OBP2A: variants seen among roughly 807,000 people sequenced by gnomAD.
OBP2A encodes the protein odorant binding protein 2A.
Under a neutral mutation model 21.9 loss-of-function variants are expected in OBP2A, and 15 were observed. The ratio of observed to expected loss-of-function variants is 0.69; its 90% CI spans 0.46 to 1.06. The LOEUF is 1.06. OBP2A is among the 50% of genes least tolerant of loss of function. The pLI is 0.00. For missense variants in OBP2A, 192 were observed against 220.1 expected, an observed-to-expected ratio of 0.87 and a Z score of 0.81; for synonymous variants, 86 against 91.8, an observed-to-expected ratio of 0.94 and a Z score of 0.36.
In OBP2A at chr9:135,547,949, G is replaced by C; in HGVS notation, c.356G>C (p.Arg119Pro). The change falls in exon 4 of 7, where the codon CGT becomes CCT. Residue 119 changes from arginine to proline, a missense_variant. Arg to Pro is a moderately radical substitution (Grantham distance 103). Transcript: ENST00000371776. ...DYVFYCKDQR[R>P]GGLRYMGKLV... The stretch of plus-strand genomic sequence containing the variant: ...GTCTTTTACTGCAAAGACCAGCGCC[G>C]TGGGGGCCTGCGCTACATGGGAAAG... 1 of 1,612,754 alleles carries C rather than the reference G, an allele frequency of 6.2e-7. No homozygotes were observed. Among genetic ancestry groups the C allele is most frequent in the Non-Finnish European group, 8.5e-7 (1 of 1,179,224 alleles).
intron 6 of OBP2A, 118 bp from the exon 7 acceptor site, chr9:135,549,719 C>T: frequency 1.5e-6 from 1 of 670,454 alleles, no homozygotes; most frequent in Non-Finnish European, 2.5e-6. Flanking sequence ...GCTCTGGAGC[C>T]CCGAGGCTGC....
rs1417498781 is a variant in OBP2A at position 135,547,936 on chromosome 9, A to G, written c.343A>G (p.Lys115Glu). The change falls in exon 4 of 7, where the codon AAA becomes GAA. Residue 115 changes from lysine (K) to glutamate (E), a missense_variant. Transcript: ENST00000371776. Reference sequence around the variant, plus strand: ...GACGGACGACTACGTCTTTTACTGCAAAGACCAGCGCCGTGGGGGCCTGCG... The same window carrying G: ...GACGGACGACTACGTCTTTTACTGCGAAGACCAGCGCCGTGGGGGCCTGCG... ...PGTDDYVFYCKDQRRGGLRYM... is the reference protein window; with the variant it reads ...PGTDDYVFYCEDQRRGGLRYM... 2 of 1,613,490 alleles carry G rather than the reference A, an allele frequency of 1.2e-6. No individual in the cohort carries two copies. Among genetic ancestry groups the G allele is most frequent in the South Asian group, 2.2e-5 (2 of 91,018 alleles).
At chr9:135,546,664 TA>T (rs1168908366) in intron 1 of OBP2A, 113 bp from the exon 2 acceptor site, 3 of 1,511,312 alleles carry the variant, frequency 2.0e-6, no homozygotes, top group African/African-American at 2.8e-5. Flanking sequence ...AGCCTGCCTT[TA>T]GGGGTGGCAG....
Position 135,548,885 on chromosome 9 carries a change from T to A in OBP2A, c.490+76T>A, listed in dbSNP as rs527327865. ...TCTCCAGTGTCCCATGACCCCCATG[T>A]CCTCCCATGTCCCCCGCATTCCCCG... On this transcript the variant is annotated intron_variant, in intron 5 of 6. Coordinates refer to ENST00000371776, the MANE Select transcript of OBP2A (RefSeq NM_014582.3). The A allele has an allele frequency of 4.0e-5, 58 of 1,438,852 alleles. No homozygotes were observed. The South Asian group carries it at 6.2e-4, about 15-fold the overall frequency. 89.1% of individuals were successfully genotyped at this position (1,438,852 alleles called of 1,614,324 possible).
At chr9:135,547,012 A>G (rs1470896861) in intron 2 of OBP2A, 101 bp downstream of exon 2, 1 of 1,582,862 alleles carries the variant, frequency 6.3e-7, no homozygotes, top group Non-Finnish European at 8.6e-7. Flanking sequence ...TGTTGGGAAG[A>G]GTCACCCCCT....
chr9:135,548,255 G>A (rs553581624), intron 4 of OBP2A, among the ~76,000 whole-genome samples: 3 of 152,264 alleles, frequency 2.0e-5, no homozygotes, highest in South Asian at 4.1e-4. Flanking sequence ...CACCTTAAGG[G>A]GGAGGTAGCA....
intron 3 of OBP2A, 130 bp downstream of exon 3, chr9:135,547,378 C>G: frequency 9.5e-7 from 1 of 1,049,140 alleles, no homozygotes; most frequent in Non-Finnish European, 1.4e-6. Context: ...GAGGGGCTGG[C>G]CTCTCCTTCC....
chr9:135,549,278 T>A (rs1394435764), intron 5 of OBP2A, 30 bp from the exon 6 acceptor site: 2 of 1,487,590 alleles, frequency 1.3e-6, no homozygotes, highest in Admixed American at 3.5e-5. Context: ...GGGCGCCTTC[T>A]AATCCCTGGG....
At position 135,548,641 on chromosome 9, in the gene OBP2A, A is replaced by G. The variant is rs181911633; in HGVS notation, c.389-67A>G. On this transcript the variant is annotated intron_variant, in intron 4 of 6. Transcript: ENST00000371776. ...TGCTGGGCCGTGGTCGTCTCCTTTT[A>G]GCATCTGCTCCCTGCAGGGCCGTGC... 3.4e-4 allele frequency: 550 copies of G among 1,604,440 alleles called. 1 individual carries two copies. The African/African-American group carries it at 5.3e-3, about 16-fold the overall frequency.
chr9:135,546,814 G>A lies in OBP2A; in HGVS notation c.109G>A (p.Asp37Asn), dbSNP rs139109337. ...CTGGTACGTGAAGGCCATGGTGGTC[G>A]ATAAGGACTTTCCGGAGGACAGGAG... The part of the protein sequence containing the change: ...GTWYVKAMVV[D>N]KDFPEDRRPR... The change falls in exon 2 of 7, where the codon GAT becomes AAT. Residue 37 changes from aspartate to asparagine, a missense_variant. Physicochemically the swap from Asp to Asn is conservative, Grantham distance 23. Transcript: ENST00000371776. 181 of 1,613,046 alleles carry A rather than the reference G, an allele frequency of 1.1e-4. No homozygotes were observed. The highest frequency in any genetic ancestry group is 1.2e-4 in the African/African-American group (9 of 74,968).
chr9:135,548,650 T>G (rs749131224), intron 4 of OBP2A, 58 bp from the exon 5 acceptor site: 26 of 1,608,606 alleles, frequency 1.6e-5, no homozygotes, highest in Non-Finnish European at 2.2e-5. Context: ...TAGCATCTGC[T>G]CCCTGCAGGG....
rs1831979928 is a variant in OBP2A at position 135,547,715 on chromosome 9, T to C, written c.278-156T>C. ...CCGAGAGGAGGCTCCTGCCTCCGTG[T>C]CCGGGTCCATGCTGTGCGGAGCAGC... On this transcript the variant is annotated intron_variant, in intron 3 of 6. Coordinates refer to ENST00000371776, the MANE Select transcript of OBP2A (RefSeq NM_014582.3). Among the ~76,000 whole-genome samples, 3 of 152,210 alleles carry C rather than the reference T, an allele frequency of 2.0e-5. No homozygotes were observed. The South Asian group carries it at 6.2e-4, about 32-fold the overall frequency.
At position 135,549,555 on chromosome 9, in the gene OBP2A, T is replaced by G. The variant is rs1443063974; in HGVS notation, c.*1+224T>G. On this transcript the variant is annotated intron_variant, in intron 6 of 6. Transcript: ENST00000371776. ...CACCTGCCAGCCCGAGTGAGGGTCC[T>G]CCTCGGCCTTTCCACAGCGAGGCCT... 187 of 482,624 alleles carry G rather than the reference T, an allele frequency of 3.9e-4. 8 individuals carry two copies. Among genetic ancestry groups the G allele is most frequent in the Non-Finnish European group, 5.7e-4 (163 of 284,438 alleles). The allele number at this position is 482,624 out of a possible 1,614,324, so 29.9% of individuals were successfully genotyped here.
chr9:135,547,905 G>T lies in OBP2A; in HGVS notation c.312G>T (p.Leu104=). Residue 104 remains leucine, a synonymous_variant, in exon 4 of 7, where the codon CTG becomes CTT. Coordinates refer to ENST00000371776, the MANE Select transcript of OBP2A (RefSeq NM_014582.3). ...GGAAGCTCATATACCTGCAGGAGCTGCCCGGGACGGACGACTACGTCTTTT... is the reference window on the plus strand; with the variant it reads ...GGAAGCTCATATACCTGCAGGAGCTTCCCGGGACGGACGACTACGTCTTTT... ...GGRKLIYLQE[L]PGTDDYVFYC... The T allele has an allele frequency of 6.2e-7, 1 of 1,613,092 alleles. No homozygotes were observed.
Position 135,546,779 on chromosome 9 carries a change from T to G in OBP2A, c.74T>G (p.Ile25Ser), listed in dbSNP as rs775614434. 1.9e-6 allele frequency: 3 copies of G among 1,608,806 alleles called. No individual in the cohort carries two copies. Among genetic ancestry groups the G allele is most frequent in the Non-Finnish European group, 2.5e-6 (3 of 1,176,916 alleles). ...ALSFTLEEED[I>S]TGTWYVKAMV... ...GCTCACGGCCTTGGCCTGCTCCAGA[T>G]CACAGGGACCTGGTACGTGAAGGCC... Residue 25 changes from isoleucine (I) to serine (S), a missense_variant and splice_region_variant, in exon 2 of 7, where the codon ATC (isoleucine) becomes AGC (serine). Transcript: ENST00000371776.
chr9:135,548,991 TGCGGTCTGGGGCTCCGCGCTCTGGGCTGC>T (rs1832037253), intron 5 of OBP2A, among the ~76,000 whole-genome samples, 182 bp downstream of exon 5: 1 of 142,014 alleles, frequency 7.0e-6, no homozygotes, highest in African/African-American at 2.9e-5. Context: ...TGGGCTGCGA[TGCGGTCTGGGGCTCCGCGCTCTGGGCTGC>T]GATGGGGTCT....
In OBP2A at chr9:135,546,259, T is replaced by A. The variant is rs769792203; in HGVS notation, c.72+7T>A. 5 of 1,494,226 alleles carry A rather than the reference T, an allele frequency of 3.3e-6. 1 individual carries two copies. The highest frequency in any genetic ancestry group is 3.9e-4 in the Middle Eastern group (2 of 5,132). The allele number at this position is 1,494,226 out of a possible 1,614,324, so 92.6% of individuals were successfully genotyped here. On this transcript the variant is annotated splice_region_variant and intron_variant, in intron 1 of 6. Transcript: ENST00000371776. The stretch of plus-strand genomic sequence containing the variant: ...CACCCTGGAGGAGGAGGATGTGAGC[T>A]GGGTTGGCGTGGGCGGATGGAGGAG...
At chr9:135,548,571 C>T (rs1832017471) in intron 4 of OBP2A, 137 bp from the exon 5 acceptor site, 5 of 1,285,576 alleles carry the variant, frequency 3.9e-6, no homozygotes, top group Non-Finnish European at 5.3e-6. Flanking sequence ...TCCCCAGCCC[C>T]ACCCCTGAGC....
intron 4 of OBP2A, 133 bp from the exon 5 acceptor site, chr9:135,548,575 C>G (rs548152251): frequency 7.4e-7 from 1 of 1,343,536 alleles, no homozygotes; most frequent in African/African-American, 1.5e-5. Flanking sequence ...CAGCCCCACC[C>G]CTGAGCTCTG....
Sources: allele counts gnomAD v4.1 joint callset (sites outside exome capture counted in the v4.1 genomes callset), GRCh38; gene constraint gnomAD v4.1.1; transcripts MANE v1.5; gene names NCBI Gene and HGNC (gene_info 2026-07-23, HGNC 2026-07-21).